PIP5K1B: variants seen among roughly 807,000 people sequenced by gnomAD.
The protein encoded by PIP5K1B is phosphatidylinositol 4-phosphate 5-kinase type-1 beta.
A neutral mutation model predicts 67.0 loss-of-function variants in PIP5K1B; 42 were observed. The ratio of observed to expected loss-of-function variants is 0.63; its 90% confidence interval spans 0.49 to 0.81. The LOEUF is 0.81. PIP5K1B is among the 30% of genes least tolerant of loss of function. The pLI is 0.00. For missense variants in PIP5K1B, 459 were observed against 646.3 expected (o/e 0.71, Z 3.14); for synonymous variants, 214 against 231.4 (o/e 0.92, Z 0.68).
chr9:68,911,357 G>A (rs548236009), intron 8 of PIP5K1B, among the ~76,000 whole-genome samples: 211 of 130,898 alleles, frequency 1.6e-3, no homozygotes, highest in Non-Finnish European at 2.4e-3. Flanking sequence ...TGGGCAACAA[G>A]AGCAAAACTC....
intron 14 of PIP5K1B, among the ~76,000 whole-genome samples, chr9:68,968,503 C>CA (rs35997709): frequency 0.59 from 77,985 of 131,730 alleles, 25,474 homozygotes; most frequent in Non-Finnish European, 0.74. Flanking sequence ...GACTCTGTCT[C>CA]AAAAAAAAAA....
chr9:68,894,664 T>C (rs757878162), intron 8 of PIP5K1B, 26 bp downstream of exon 8: 1 of 1,601,318 alleles, frequency 6.2e-7, no homozygotes, highest in Admixed American at 1.7e-5. Flanking sequence ...TGTTGTGATT[T>C]CCTTTGAACT....
intron 12 of PIP5K1B, among the ~76,000 whole-genome samples, chr9:68,933,187 G>T (rs570632215): frequency 1.3e-5 from 2 of 152,104 alleles, no homozygotes; most frequent in Admixed American, 1.3e-4. Flanking sequence ...TTAGCAGATA[G>T]AGATGATAGG....
intron 13 of PIP5K1B, among the ~76,000 whole-genome samples, chr9:68,938,509 T>C (rs886972157): frequency 3.9e-5 from 6 of 152,218 alleles, no homozygotes; most frequent in African/African-American, 1.4e-4. Flanking sequence ...GAGATGGGTC[T>C]CCTGAATACA....
chr9:68,847,207 T>G (rs1822235026), intron 4 of PIP5K1B, among the ~76,000 whole-genome samples: 1 of 151,964 alleles, frequency 6.6e-6, no homozygotes, highest in Non-Finnish European at 1.5e-5. Flanking sequence ...AAATACATTC[T>G]TCTTTTTAAA....
At chr9:68,780,097 C>CGTATCATTAAAAAAA in intron 2 of PIP5K1B, 3 of 1,458,174 alleles carry the variant, frequency 2.1e-6, no homozygotes, top group East Asian at 2.5e-5. Flanking sequence ...CGGCGGCGGC[C>CGTATCATTAAAAAAA]CTGGACTGCG....
intron 12 of PIP5K1B, 38 bp downstream of exon 12, chr9:68,923,424 G>A (rs1362349270): frequency 9.5e-7 from 1 of 1,053,402 alleles, no homozygotes; most frequent in Non-Finnish European, 1.4e-6. Context: ...ACTTTTAGCA[G>A]CTAATTTCAT....
chr9:68,853,969 G>T (rs994820112), intron 4 of PIP5K1B, among the ~76,000 whole-genome samples: 9 of 152,066 alleles, frequency 5.9e-5, no homozygotes, highest in Admixed American at 4.6e-4. Flanking sequence ...CTGGAGGCCG[G>T]CTTGTGCCAG....
chr9:68,853,691 T>TGG (rs1439843572), intron 4 of PIP5K1B, among the ~76,000 whole-genome samples: 1 of 152,094 alleles, frequency 6.6e-6, no homozygotes, highest in Non-Finnish European at 1.5e-5. Flanking sequence ...AGAGCTAATG[T>TGG]GGGGTCACCC....
intron 14 of PIP5K1B, among the ~76,000 whole-genome samples, chr9:68,969,260 C>T (rs867616496): frequency 6.7e-6 from 1 of 150,144 alleles, no homozygotes; most frequent in Non-Finnish European, 1.5e-5. Flanking sequence ...CCCGGCTACT[C>T]GGGAGGCTGA....
At chr9:68,987,792 A>G (rs1239959448) in intron 14 of PIP5K1B, among the ~76,000 whole-genome samples, 1 of 152,022 alleles carries the variant, frequency 6.6e-6, no homozygotes, top group Non-Finnish European at 1.5e-5. Flanking sequence ...AAAAGCAGAA[A>G]CCCCTTATAA....
At chr9:68,786,754 G>A (rs942135962) in intron 2 of PIP5K1B, among the ~76,000 whole-genome samples, 15 of 151,842 alleles carry the variant, frequency 9.9e-5, no homozygotes, top group African/African-American at 3.1e-4. Flanking sequence ...TTTTGTTTTA[G>A]AACGAAAAGG....
At chr9:68,881,893 G>A (rs1050603822) in intron 6 of PIP5K1B, among the ~76,000 whole-genome samples, 2 of 152,152 alleles carry the variant, frequency 1.3e-5, no homozygotes, top group Non-Finnish European at 2.9e-5. Flanking sequence ...ACTTATATGA[G>A]TCTTTTCAGG....
intron 12 of PIP5K1B, among the ~76,000 whole-genome samples, chr9:68,933,600 C>T (rs1233975611): frequency 6.6e-6 from 1 of 151,864 alleles, no homozygotes; most frequent in African/African-American, 2.4e-5. Flanking sequence ...GTTCTGTGAC[C>T]CTGAGCAAGC....
chr9:68,969,832 A>AG (rs1829258143), intron 14 of PIP5K1B, among the ~76,000 whole-genome samples: 1 of 152,328 alleles, frequency 6.6e-6, no homozygotes, highest in East Asian at 1.9e-4. Flanking sequence ...TTTGGAAACA[A>AG]GGGGAATCAG....
intron 14 of PIP5K1B, among the ~76,000 whole-genome samples, chr9:68,946,633 G>A (rs10735639): frequency 0.95 from 143,706 of 151,942 alleles, 68,471 homozygotes; most frequent in East Asian, 1. Context: ...TGACCTCTTG[G>A]TCTGCCCGCC....
intron 13 of PIP5K1B, among the ~76,000 whole-genome samples, chr9:68,937,527 T>C (rs1212370182): frequency 6.6e-6 from 1 of 152,204 alleles, no homozygotes; most frequent in Non-Finnish European, 1.5e-5. Context: ...GAGGTCTATC[T>C]ATTTTGTTGA....
intron 8 of PIP5K1B, among the ~76,000 whole-genome samples, chr9:68,898,589 C>G (rs904161015): frequency 6.6e-6 from 1 of 152,168 alleles, no homozygotes; most frequent in African/African-American, 2.4e-5. Flanking sequence ...AACTGCTCAT[C>G]CCAGGTACCC....
At chr9:68,774,304 T>A (rs1830805900) in intron 2 of PIP5K1B, among the ~76,000 whole-genome samples, 1 of 152,080 alleles carries the variant, frequency 6.6e-6, no homozygotes, top group South Asian at 2.1e-4. Context: ...AAATGCAACT[T>A]TAGGGGTGTG....
Sources: gnomAD v4.1 joint callset for allele counts (sites outside exome capture counted in the v4.1 genomes callset) on GRCh38, gnomAD v4.1.1 for gene constraint, MANE v1.5 for transcripts, NCBI Gene and HGNC (gene_info 2026-07-23, HGNC 2026-07-21) for gene names.